The following CUBN variants were observed in gnomAD, a reference collection of about 807,000 sequenced individuals.
CUBN encodes cubilin, also known as 460 kDa receptor.
In CUBN, 282 loss-of-function variants were observed where a neutral mutation model predicts 405.3. The ratio of observed to expected loss-of-function variants is 0.70; its 90% CI spans 0.63 to 0.77. The LOEUF is 0.77. Ranked by LOEUF, CUBN falls within the 30% of genes least tolerant of loss-of-function variation. The pLI, the probability that CUBN is intolerant of heterozygous loss-of-function variation, is 0.00. For synonymous variants in CUBN, 1,684 were observed against 1,617.0 expected (o/e 1.04, Z -0.99); for missense variants, 4,514 against 4,475.2 (o/e 1.01, Z -0.25).
chr10:16,864,958 T>C (rs970822921), intron 59 of CUBN, among the ~76,000 whole-genome samples: 2 of 130,402 alleles, frequency 1.5e-5, no homozygotes, highest in African/African-American at 5.9e-5. Context: ...CTTTTTTTTT[T>C]TTTTTTTTTT....
At chr10:16,902,027 G>GTA (rs1236689925) in intron 51 of CUBN, among the ~76,000 whole-genome samples, 7 of 54,986 alleles carry the variant, frequency 1.3e-4, no homozygotes, top group African/African-American at 2.8e-4. Context: ...CATATATAGT[G>GTA]TGTATATATA....
Position 16,824,922 on chromosome 10 carries a change from T to C in CUBN, c.*53A>G. ...GTCATGTATCAGGATGGCAGAGTGC[T>C]GTCCAGCGTGCTGCAGAGGGAAAGT... On this transcript the variant is annotated 3_prime_UTR_variant, in exon 67 of 67. Coordinates refer to ENST00000377833, the MANE Select transcript of CUBN (RefSeq NM_001081.4). 1 of 1,249,928 alleles carries C rather than the reference T, an allele frequency of 8.0e-7. No individual in the cohort carries two copies. The highest frequency in any genetic ancestry group is 1.2e-6 in the Non-Finnish European group (1 of 850,456). 77.4% of individuals were successfully genotyped at this position (1,249,928 alleles called of 1,614,324 possible). A position where few individuals can be genotyped will look rare whatever the true frequency, so the allele number is the denominator to read the frequency against.
chr10:16,837,928 G>C (rs1303698309), intron 62 of CUBN, among the ~76,000 whole-genome samples: 1 of 152,094 alleles, frequency 6.6e-6, no homozygotes, highest in Non-Finnish European at 1.5e-5. Flanking sequence ...GTGCCATTCT[G>C]TGCCCCGCTG....
At chr10:16,877,252 A>G (rs771668267) in intron 56 of CUBN, among the ~76,000 whole-genome samples, 155 bp from the exon 57 acceptor site, 9 of 152,260 alleles carry the variant, frequency 5.9e-5, no homozygotes, top group African/African-American at 9.6e-5. Context: ...TGTTGAAACA[A>G]TGTTTACTCT....
At chr10:16,902,181 A>G (rs1171735493) in intron 51 of CUBN, among the ~76,000 whole-genome samples, 1 of 135,872 alleles carries the variant, frequency 7.4e-6, no homozygotes, top group African/African-American at 2.7e-5. Flanking sequence ...TATAGTATAT[A>G]TATTTGTATA....
At chr10:16,921,169 C>G (rs533560028) in intron 43 of CUBN, among the ~76,000 whole-genome samples, 156 of 152,302 alleles carry the variant, frequency 1.0e-3, no homozygotes, top group African/African-American at 3.5e-3. Context: ...TGGAACTTTA[C>G]TCCCTAAGCC....
At chr10:16,846,204 A>G (rs1438168807) in intron 60 of CUBN, among the ~76,000 whole-genome samples, 1 of 152,138 alleles carries the variant, frequency 6.6e-6, no homozygotes. Flanking sequence ...GAGTTTTTCC[A>G]CCATTCTGGA....
At chr10:16,994,725 T>C (rs1372958597) in intron 28 of CUBN, among the ~76,000 whole-genome samples, 1 of 152,224 alleles carries the variant, frequency 6.6e-6, no homozygotes, top group Non-Finnish European at 1.5e-5. Context: ...CACCGGTCAT[T>C]CATAATCTAA....
chr10:16,858,934 G>A (rs1257044420), intron 59 of CUBN, among the ~76,000 whole-genome samples: 1 of 152,154 alleles, frequency 6.6e-6, no homozygotes, highest in Non-Finnish European at 1.5e-5. Flanking sequence ...GCAAAAAACT[G>A]ACTTCCACCT....
At chr10:16,916,895 A>C (rs930383275) in intron 45 of CUBN, among the ~76,000 whole-genome samples, 9 of 150,642 alleles carry the variant, frequency 6.0e-5, no homozygotes, top group African/African-American at 2.0e-4. Flanking sequence ...GCTCACTGCA[A>C]CCTCCGCCTC....
intron 28 of CUBN, among the ~76,000 whole-genome samples, chr10:17,006,676 C>G (rs1246344617): frequency 6.6e-6 from 1 of 152,048 alleles, no homozygotes; most frequent in East Asian, 1.9e-4. Context: ...TTTTAAAAGC[C>G]CTTTGGTACA....
At chr10:16,825,182 T>C (rs937006984) in intron 66 of CUBN, 100 bp from the exon 67 acceptor site, 4 of 779,204 alleles carry the variant, frequency 5.1e-6, no homozygotes, top group Admixed American at 2.1e-5. Context: ...AAAGAAACTT[T>C]ATAGAATTTA....
chr10:16,938,911 C>T, intron 38 of CUBN, 52 bp downstream of exon 38: 3 of 1,465,400 alleles, frequency 2.0e-6, no homozygotes, highest in Non-Finnish European at 9.5e-7. Context: ...TTTATTTTTA[C>T]CAATAGCAAT....
intron 54 of CUBN, among the ~76,000 whole-genome samples, chr10:16,893,395 CGTGTGTGTGT>C (rs34859798): frequency 4.4e-4 from 66 of 150,372 alleles, no homozygotes; most frequent in South Asian, 1.1e-3. Flanking sequence ...TACTTGAACT[CGTGTGTGTGT>C]GTGTGTGTGT....
chr10:17,089,986 C>T (rs1368659178), intron 14 of CUBN, among the ~76,000 whole-genome samples: 3 of 151,884 alleles, frequency 2.0e-5, no homozygotes, highest in Non-Finnish European at 4.4e-5. Flanking sequence ...TATGGTGGTG[C>T]GTGTCTGTAG....
chr10:16,987,282 A>T (rs1355279176), intron 29 of CUBN, among the ~76,000 whole-genome samples: 1 of 152,266 alleles, frequency 6.6e-6, no homozygotes, highest in Non-Finnish European at 1.5e-5. Context: ...AAAGATGGAA[A>T]GAATTTCAGG....
intron 22 of CUBN, among the ~76,000 whole-genome samples, chr10:17,049,193 G>A (rs1389846341): frequency 1.3e-5 from 2 of 152,158 alleles, no homozygotes; most frequent in Non-Finnish European, 2.9e-5. Flanking sequence ...GAGGAGTATA[G>A]CATTGGTCTA....
At chr10:16,830,084 TGCC>T (rs1838937007) in intron 65 of CUBN, among the ~76,000 whole-genome samples, 3 of 152,238 alleles carry the variant, frequency 2.0e-5, no homozygotes, top group East Asian at 1.9e-4. Context: ...TACAGGCATG[TGCC>T]ACTACACCCA....
intron 59 of CUBN, among the ~76,000 whole-genome samples, chr10:16,856,270 C>T (rs952395002): frequency 2.6e-5 from 4 of 152,156 alleles, no homozygotes; most frequent in African/African-American, 9.7e-5. Flanking sequence ...GCACCTGCCT[C>T]ATCAATCAGG....
Sources: allele counts gnomAD v4.1 joint callset (sites outside exome capture counted in the v4.1 genomes callset), GRCh38; gene constraint gnomAD v4.1.1; transcripts MANE v1.5; gene names NCBI Gene and HGNC (gene_info 2026-07-23, HGNC 2026-07-21).